Variants in RELN observed in about 807,000 individuals in gnomAD.
The protein encoded by RELN is reelin.
RELN carries 108 observed loss-of-function variants against 427.6 expected under a neutral mutation model. That is an observed-to-expected ratio of 0.25 (90% CI 0.22 to 0.30). The LOEUF (loss-of-function observed/expected upper bound fraction) is 0.30. RELN is among the 10% of genes least tolerant of loss of function. The pLI, the probability that RELN is intolerant of heterozygous loss-of-function variation, is 1.00. For missense variants in RELN, 3,715 were observed against 4,302.8 expected, an observed-to-expected ratio of 0.86 and a Z score of 3.82; for synonymous variants, 1,524 against 1,513.4, an observed-to-expected ratio of 1.01 and a Z score of -0.16.
At chr7:103,480,167 CAAAAATGCAGT>C (rs1241807244) in intron 63 of RELN, among the ~76,000 whole-genome samples, 1 of 152,062 alleles carries the variant, frequency 6.6e-6, no homozygotes, top group Non-Finnish European at 1.5e-5. Flanking sequence ...TGTTCTGATA[CAAAAATGCAGT>C]TAATTAAGAG....
At chr7:103,935,993 T>C (rs1795974070) in intron 1 of RELN, among the ~76,000 whole-genome samples, 1 of 152,114 alleles carries the variant, frequency 6.6e-6, no homozygotes, top group Non-Finnish European at 1.5e-5. Context: ...CCATTCCTAA[T>C]ACTGCCAATT....
At chr7:103,632,354 C>A (rs1255891467) in intron 19 of RELN, among the ~76,000 whole-genome samples, 1 of 152,188 alleles carries the variant, frequency 6.6e-6, no homozygotes, top group Non-Finnish European at 1.5e-5. Context: ...CAGTATCTGG[C>A]ACATAATAAG....
chr7:103,637,465 C>T (rs189965019), intron 17 of RELN, among the ~76,000 whole-genome samples: 9 of 152,240 alleles, frequency 5.9e-5, no homozygotes, highest in African/African-American at 2.2e-4. Context: ...CTATGCTGGC[C>T]TTTCAAGGAG....
At chr7:103,931,623 T>C (rs1056629215) in intron 1 of RELN, among the ~76,000 whole-genome samples, 1 of 152,246 alleles carries the variant, frequency 6.6e-6, no homozygotes, top group African/African-American at 2.4e-5. Context: ...GTAAATACAG[T>C]TGAAGTCCCT....
At chr7:103,475,238 T>C (rs1016938476) in intron 64 of RELN, among the ~76,000 whole-genome samples, 1 of 152,032 alleles carries the variant, frequency 6.6e-6, no homozygotes, top group Non-Finnish European at 1.5e-5. Flanking sequence ...TACTTTGAAC[T>C]CTCATAGTGC....
At chr7:103,727,395 A>C (rs1019548299) in intron 7 of RELN, among the ~76,000 whole-genome samples, 1 of 152,090 alleles carries the variant, frequency 6.6e-6, no homozygotes, top group South Asian at 2.1e-4. Flanking sequence ...CTTTTATATT[A>C]TTTTCCAGAA....
At chr7:103,590,571 AATAAAT>A (rs1454609870) in intron 27 of RELN, among the ~76,000 whole-genome samples, 177 of 24,908 alleles carry the variant, frequency 7.1e-3, no homozygotes, top group African/African-American at 0.028. Context: ...ACAATAAATA[AATAAAT>A]AAATAAATAA....
chr7:103,799,520 T>G (rs992917652), intron 3 of RELN, among the ~76,000 whole-genome samples: 1 of 152,198 alleles, frequency 6.6e-6, no homozygotes, highest in Non-Finnish European at 1.5e-5. Flanking sequence ...TCAGAACATT[T>G]GCACATGCTG....
intron 46 of RELN, among the ~76,000 whole-genome samples, chr7:103,524,097 C>T (rs1829769744): frequency 6.6e-6 from 1 of 152,188 alleles, no homozygotes; most frequent in African/African-American, 2.4e-5. Context: ...AAAAAACAGA[C>T]AGTCAGAAAC....
chr7:103,505,677 TCTC>T (rs2117046862), intron 51 of RELN, among the ~76,000 whole-genome samples: 1 of 152,126 alleles, frequency 6.6e-6, no homozygotes, highest in East Asian at 1.9e-4. Context: ...GAATGCCTCT[TCTC>T]CTCCAAAGGA....
At chr7:103,876,750 A>G (rs1040636170) in intron 2 of RELN, among the ~76,000 whole-genome samples, 3 of 152,056 alleles carry the variant, frequency 2.0e-5, no homozygotes, top group Admixed American at 2.0e-4. Context: ...ATATAAAAAA[A>G]TTATCAGAAC....
chr7:103,979,535 T>C (rs75778722), intron 1 of RELN, among the ~76,000 whole-genome samples: 1 of 152,336 alleles, frequency 6.6e-6, no homozygotes, highest in East Asian at 1.9e-4. Context: ...GATCCATGTA[T>C]GAAAAATAAC....
At chr7:103,930,674 C>T (rs1057107357) in intron 1 of RELN, among the ~76,000 whole-genome samples, 7 of 151,948 alleles carry the variant, frequency 4.6e-5, no homozygotes, top group Middle Eastern at 3.2e-3. Flanking sequence ...GATATGTGGC[C>T]CAGGCTGGTC....
At chr7:103,852,957 A>G (rs1793860562) in intron 2 of RELN, among the ~76,000 whole-genome samples, 1 of 152,008 alleles carries the variant, frequency 6.6e-6, no homozygotes, top group Admixed American at 6.6e-5. Context: ...TTTTTAAAAG[A>G]ATTATTTTTC....
chr7:103,890,198 CTTTTT>C (rs5886284), intron 2 of RELN, among the ~76,000 whole-genome samples: 2 of 148,658 alleles, frequency 1.3e-5, no homozygotes, highest in South Asian at 2.1e-4. Context: ...GCACTCTGAA[CTTTTT>C]TTTTTTTTTT....
At chr7:103,597,014 G>C (rs140021475) in intron 24 of RELN, among the ~76,000 whole-genome samples, 135 of 152,282 alleles carry the variant, frequency 8.9e-4, no homozygotes, top group African/African-American at 3.2e-3. Flanking sequence ...GCAGATGAAA[G>C]ACCATCTATT....
chr7:103,620,066 A>G lies in RELN; in HGVS notation c.2703-8263T>C, dbSNP rs1832182604. On this transcript the variant is annotated intron_variant, in intron 20 of 64. Coordinates refer to ENST00000428762, the MANE Select transcript of RELN (RefSeq NM_005045.4). The surrounding 1 kb of genome is among the most constrained non-coding windows in gnomAD (Gnocchi z 4.1). ...TTGCATTGTGGTGCCCATAATTCCT[A>G]CGTGTTGTGGGAGGGATCCAGTGGG... Among the ~76,000 whole-genome samples, 1 of 152,038 alleles carries G rather than the reference A, an allele frequency of 6.6e-6. No individual in the cohort carries two copies. Among genetic ancestry groups the G allele is most frequent in the African/African-American group, 2.4e-5 (1 of 41,400 alleles).
At chr7:103,759,293 C>T (rs1791237692) in intron 4 of RELN, among the ~76,000 whole-genome samples, 3 of 152,010 alleles carry the variant, frequency 2.0e-5, no homozygotes, top group Admixed American at 6.6e-5. Context: ...TGAATGATTA[C>T]GTGGAACAGT....
intron 2 of RELN, among the ~76,000 whole-genome samples, chr7:103,844,411 G>A (rs1793627266): frequency 6.6e-6 from 1 of 152,180 alleles, no homozygotes; most frequent in African/African-American, 2.4e-5. Context: ...GAGAAAGAGA[G>A]AAGATTCTGG....
Sources: gnomAD v4.1 joint callset for allele counts (sites outside exome capture counted in the v4.1 genomes callset) on GRCh38, gnomAD v4.1.1 for gene constraint, Gnocchi (gnomAD v3.1) non-coding constraint, MANE v1.5 for transcripts, NCBI Gene and HGNC (gene_info 2026-07-23, HGNC 2026-07-21) for gene names.